YTHDC2: variants seen among roughly 807,000 people sequenced by gnomAD.
YTHDC2 encodes 3'-5' RNA helicase YTHDC2.
Under a neutral mutation model 174.9 loss-of-function variants are expected in YTHDC2, and 45 were observed. The ratio of observed to expected loss-of-function variants is 0.26; its 90% confidence interval spans 0.20 to 0.33. The LOEUF (loss-of-function observed/expected upper bound fraction) is 0.33. Ranked by LOEUF, YTHDC2 falls within the 10% of genes least tolerant of loss-of-function variation. The pLI is 1.00. For synonymous variants in YTHDC2, 657 were observed against 574.5 expected (o/e 1.14, Z -2.05); for missense variants, 1,650 against 1,723.7 (o/e 0.96, Z 0.76).
At position 113,584,470 on chromosome 5, in the gene YTHDC2, C is replaced by A; in HGVS notation, c.3816C>A (p.Ser1272=). 1 of 1,610,206 alleles carries A rather than the reference C, an allele frequency of 6.2e-7. No homozygotes were observed. The highest frequency in any genetic ancestry group is 8.5e-7 in the Non-Finnish European group (1 of 1,177,930). ...PSPCASPSPP[S]SGKGSKSPSP... ...CTTGTGCTAGTCCTTCTCCTCCATC[C>A]TCAGGAAAGGTAAGAGTATCTGAAA... The change falls in exon 26 of 30, where the codon TCC becomes TCA. Residue 1272 remains serine (S), a synonymous_variant. Transcript: ENST00000161863.
chr5:113,554,071 C>G, intron 16 of YTHDC2, 49 bp downstream of exon 16: 8 of 1,365,128 alleles, frequency 5.9e-6, no homozygotes, highest in Non-Finnish European at 7.8e-6. Flanking sequence ...AGATTAAGTT[C>G]TACTTCAACA....
intron 10 of YTHDC2, among the ~76,000 whole-genome samples, chr5:113,544,251 T>G (rs1216458019): frequency 2.0e-5 from 3 of 152,060 alleles, no homozygotes; most frequent in Non-Finnish European, 4.4e-5. Flanking sequence ...CGGGTTCAAG[T>G]GATTCTTCTG....
chr5:113,592,991 T>A (rs1779086460), intron 28 of YTHDC2: 1 of 185,828 alleles, frequency 5.4e-6, no homozygotes, highest in African/African-American at 2.3e-5. Context: ...GTGCTTTTGC[T>A]GAATCTCTAT....
rs765038975 is a variant in YTHDC2 at position 113,593,332 on chromosome 5, G to A, written c.4242G>A (p.Leu1414=). 1.9e-6 allele frequency: 3 copies of A among 1,612,560 alleles called. No individual in the cohort carries two copies. The Admixed American group carries it at 5.0e-5, about 27-fold the overall frequency. The stretch of plus-strand genomic sequence containing the variant: ...TAGAACCTCTGGTTGGTGAACAGTT[G>A]CTCCAGTTATGGGAACGTCTTCCCT... ...QELEPLVGEQ[L]LQLWERLPLG... The change falls in exon 29 of 30, where the codon TTG becomes TTA. Residue 1414 remains leucine (L), a synonymous_variant. Transcript: ENST00000161863.
In YTHDC2 at chr5:113,592,100, C is replaced by T. The variant is rs1323631939; in HGVS notation, c.4134C>T (p.Ser1378=). ...VFKVEWIRKE[S]LPFQFAHHLL... is the part of the protein sequence containing the mutation. The stretch of plus-strand genomic sequence containing the variant: ...AGGTGGAGTGGATACGAAAAGAAAG[C>T]CTTCCCTTTCAATTTGCACACCATT... The change falls in exon 28 of 30, where the codon AGC becomes AGT. Residue 1378 remains serine (S), a synonymous_variant. Transcript: ENST00000161863. The T allele has an allele frequency of 6.2e-7, 1 of 1,612,982 alleles. No individual in the cohort carries two copies. The highest frequency in any genetic ancestry group is 8.5e-7 in the Non-Finnish European group (1 of 1,179,534).
At chr5:113,566,126 TATC>T in intron 21 of YTHDC2, 107 bp downstream of exon 21, 1 of 1,248,112 alleles carries the variant, frequency 8.0e-7, no homozygotes, top group Non-Finnish European at 1.1e-6. Flanking sequence ...TTTATGACAT[TATC>T]ATGTTGTGTA....
intron 2 of YTHDC2, chr5:113,517,462 A>G (rs545622365): frequency 6.9e-6 from 3 of 435,906 alleles, no homozygotes; most frequent in South Asian, 4.9e-5. Context: ...CTTCAGTAGC[A>G]TAGTCATGTA....
chr5:113,593,253 A>AT, intron 28 of YTHDC2, 50 bp from the exon 29 acceptor site: 1 of 1,477,462 alleles, frequency 6.8e-7, no homozygotes, highest in Middle Eastern at 1.8e-4. Flanking sequence ...GTCATTAAAA[A>AT]TTTTCACTCC....
intron 4 of YTHDC2, among the ~76,000 whole-genome samples, chr5:113,527,957 A>T (rs1774387667): frequency 6.6e-6 from 1 of 152,150 alleles, no homozygotes; most frequent in African/African-American, 2.4e-5. Flanking sequence ...CGCCTGACCC[A>T]GCATGAGTGC....
At chr5:113,541,923 T>C (rs73240973) in intron 9 of YTHDC2, among the ~76,000 whole-genome samples, 2,573 of 152,238 alleles carry the variant, frequency 0.017, 71 homozygotes, top group African/African-American at 0.058. Flanking sequence ...ACTGGCTGTA[T>C]ATTTTGTCAC....
At chr5:113,523,843 G>T (rs1170728133) in intron 2 of YTHDC2, among the ~76,000 whole-genome samples, 1 of 151,928 alleles carries the variant, frequency 6.6e-6, no homozygotes, top group Non-Finnish European at 1.5e-5. Context: ...TATAAAATTT[G>T]CTTTGTAAAT....
intron 11 of YTHDC2, 44 bp from the exon 12 acceptor site, chr5:113,548,911 T>G (rs1776063843): frequency 5.1e-6 from 8 of 1,573,156 alleles, no homozygotes; most frequent in Non-Finnish European, 5.2e-6. Flanking sequence ...TGAACTAGTT[T>G]TACAATTTTG....
rs1316748675 is a variant in YTHDC2, at chr5:113,545,691, C to T, written c.1496-2850C>T. ...TACAGACATGAGCCACTGTGCTGGG[C>T]CCTCATTATTGATTTTTTGAAAAAT... On this transcript the variant is annotated intron_variant, in intron 10 of 29. Coordinates refer to ENST00000161863, the MANE Select transcript of YTHDC2 (RefSeq NM_022828.5). Among the ~76,000 whole-genome samples the T allele has an allele frequency of 4.0e-5, 6 of 151,116 alleles. No individual in the cohort carries two copies. In the East Asian group the frequency reaches 9.8e-4, roughly 25 times the overall value.
At chr5:113,530,077 T>C (rs948079423) in intron 4 of YTHDC2, among the ~76,000 whole-genome samples, 2 of 152,182 alleles carry the variant, frequency 1.3e-5, no homozygotes, top group African/African-American at 4.8e-5. Flanking sequence ...GCTGGAACTA[T>C]AGGTGCATAC....
intron 4 of YTHDC2, among the ~76,000 whole-genome samples, 165 bp from the exon 5 acceptor site, chr5:113,532,714 A>G (rs372289163): frequency 7.4e-4 from 112 of 152,312 alleles, no homozygotes; most frequent in African/African-American, 2.5e-3. Context: ...ATCTTTTCAA[A>G]TTACATTTTT....
intron 2 of YTHDC2, among the ~76,000 whole-genome samples, chr5:113,523,355 TC>T (rs1308673194): frequency 6.6e-6 from 1 of 152,128 alleles, no homozygotes; most frequent in Admixed American, 6.5e-5. Context: ...AATACTAGCC[TC>T]CTACCATTTG....
intron 24 of YTHDC2, among the ~76,000 whole-genome samples, chr5:113,580,399 G>A (rs1400212832): frequency 2.0e-5 from 3 of 152,070 alleles, no homozygotes; most frequent in Non-Finnish European, 4.4e-5. Flanking sequence ...TTTTCTCTTT[G>A]CATATACTTC....
At chr5:113,579,490 A>C (rs1488583434) in intron 23 of YTHDC2, 96 bp from the exon 24 acceptor site, 7 of 734,934 alleles carry the variant, frequency 9.5e-6, no homozygotes, top group Non-Finnish European at 2.1e-6. Context: ...GTATGTCAGG[A>C]GGGTTTGTGT....
intron 26 of YTHDC2, 76 bp downstream of exon 26, chr5:113,584,555 A>T: frequency 1.6e-6 from 2 of 1,254,118 alleles, no homozygotes; most frequent in Non-Finnish European, 2.2e-6. Context: ...AAAATTGTAA[A>T]ACAATTAGAG....
Sources: gnomAD v4.1 joint callset for allele counts (sites outside exome capture counted in the v4.1 genomes callset) on GRCh38, gnomAD v4.1.1 for gene constraint, MANE v1.5 for transcripts, NCBI Gene and HGNC (gene_info 2026-07-23, HGNC 2026-07-21) for gene names.